Variants in CLASP1 observed in about 807,000 individuals in gnomAD.
CLASP1 encodes cytoplasmic linker associated protein 1.
CLASP1 carries 38 observed loss-of-function variants against 192.3 expected under a neutral mutation model. That is an observed-to-expected ratio of 0.20 (90% CI 0.15 to 0.26). The LOEUF (loss-of-function observed/expected upper bound fraction) is 0.26. CLASP1 is among the 10% of genes least tolerant of loss of function. The probability of loss-of-function intolerance (pLI) is 1.00; values close to 1 mark genes in which losing one functional copy is unlikely to be tolerated. For missense variants in CLASP1, 1,433 were observed against 1,932.5 expected (o/e 0.74, Z 4.85); for synonymous variants, 691 against 712.8 (o/e 0.97, Z 0.49).
chr2:121,525,418 T>C (rs2094552477), intron 6 of CLASP1, among the ~76,000 whole-genome samples: 1 of 152,156 alleles, frequency 6.6e-6, no homozygotes, highest in South Asian at 2.1e-4. Flanking sequence ...AAGCAAAATG[T>C]AGAACATTCC....
intron 15 of CLASP1, 66 bp from the exon 16 acceptor site, chr2:121,451,056 T>C (rs1434144112): frequency 2.7e-6 from 3 of 1,103,244 alleles, no homozygotes; most frequent in African/African-American, 1.6e-5. Flanking sequence ...TGAAACCAGG[T>C]GGGAGAAATA....
chr2:121,623,604 A>G (rs2067776996), intron 1 of CLASP1, among the ~76,000 whole-genome samples: 1 of 151,940 alleles, frequency 6.6e-6, no homozygotes, highest in African/African-American at 2.4e-5. Flanking sequence ...TGGAGAATTT[A>G]TGTTGATTCT....
At chr2:121,371,200 A>AGTGT (rs60214641) in intron 34 of CLASP1, among the ~76,000 whole-genome samples, 4,303 of 150,408 alleles carry the variant, frequency 0.029, 110 homozygotes, top group East Asian at 0.13. Flanking sequence ...GCACATATTA[A>AGTGT]GTGTGTGTGT....
intron 7 of CLASP1, chr2:121,512,949 T>C: frequency 6.6e-6 from 1 of 152,222 alleles, no homozygotes; most frequent in Non-Finnish European, 1.5e-5. Context: ...AATAGTCCTA[T>C]GGAAGCTTGC....
chr2:121,621,847 T>C (rs749363336), intron 1 of CLASP1, among the ~76,000 whole-genome samples: 1 of 152,116 alleles, frequency 6.6e-6, no homozygotes, highest in Non-Finnish European at 1.5e-5. Flanking sequence ...GTTTTTTTGT[T>C]GTTTGTTTGT....
chr2:121,340,643 T>C, exon 40 of CLASP1: 1 of 527,706 alleles, frequency 1.9e-6, no homozygotes, highest in South Asian at 2.8e-5. Context: ...TTCTTATTCC[T>C]TTTGTTTTGT....
chr2:121,415,136 T>A (rs2078353140), intron 23 of CLASP1, among the ~76,000 whole-genome samples: 1 of 152,202 alleles, frequency 6.6e-6, no homozygotes, highest in African/African-American at 2.4e-5. Flanking sequence ...TTAAGTTCAA[T>A]GATCTTCCTT....
intron 2 of CLASP1, among the ~76,000 whole-genome samples, chr2:121,555,802 C>T (rs1368136064): frequency 1.3e-5 from 2 of 152,120 alleles, no homozygotes; most frequent in Non-Finnish European, 2.9e-5. Context: ...CTGCCTCAGC[C>T]TCCTGAGTAG....
intron 32 of CLASP1, among the ~76,000 whole-genome samples, chr2:121,385,543 C>A (rs1409203032): frequency 6.6e-6 from 1 of 152,152 alleles, no homozygotes; most frequent in Non-Finnish European, 1.5e-5. Flanking sequence ...ACTGACTTAG[C>A]CAGTTTTAGC....
chr2:121,395,629 C>T (rs775070772), intron 30 of CLASP1, among the ~76,000 whole-genome samples: 8 of 152,186 alleles, frequency 5.3e-5, no homozygotes, highest in Non-Finnish European at 8.8e-5. Flanking sequence ...AAACTGCATC[C>T]ATATTCCACA....
At chr2:121,384,562 T>C (rs1311108493) in intron 32 of CLASP1, among the ~76,000 whole-genome samples, 5 of 151,920 alleles carry the variant, frequency 3.3e-5, no homozygotes, top group African/African-American at 1.2e-4. Flanking sequence ...GATCCAAGTA[T>C]AGAAATTTTG....
chr2:121,567,605 G>A (rs990387331), intron 2 of CLASP1, among the ~76,000 whole-genome samples: 2 of 152,180 alleles, frequency 1.3e-5, no homozygotes, highest in Admixed American at 6.5e-5. Flanking sequence ...CCGTGCAAAC[G>A]TCTCCTCTGC....
At chr2:121,637,134 G>A (rs2071031402) in intron 1 of CLASP1, among the ~76,000 whole-genome samples, 1 of 152,106 alleles carries the variant, frequency 6.6e-6, no homozygotes, top group Admixed American at 6.5e-5. Flanking sequence ...CTATTTAAAA[G>A]TTAAATAACA....
At chr2:121,507,727 C>T (rs1455032342) in intron 7 of CLASP1, among the ~76,000 whole-genome samples, 1 of 151,950 alleles carries the variant, frequency 6.6e-6, no homozygotes, top group East Asian at 1.9e-4. Context: ...ACACAATAAC[C>T]AAACTGTCAC....
intron 1 of CLASP1, among the ~76,000 whole-genome samples, chr2:121,631,062 G>A (rs1356992911): frequency 6.7e-6 from 1 of 148,612 alleles, no homozygotes; most frequent in Non-Finnish European, 1.5e-5. Flanking sequence ...GGGAGACTGA[G>A]GCAGGAGAAT....
intron 26 of CLASP1, among the ~76,000 whole-genome samples, chr2:121,403,979 T>G (rs1300887664): frequency 6.6e-6 from 1 of 152,200 alleles, no homozygotes; most frequent in Non-Finnish European, 1.5e-5. Context: ...CTACACGGGA[T>G]ACAAAAATAA....
At chr2:121,385,989 C>T (rs6716602) in intron 32 of CLASP1, among the ~76,000 whole-genome samples, 44,859 of 151,960 alleles carry the variant, frequency 0.3, 10,531 homozygotes, top group African/African-American at 0.65. Context: ...CAGAGGGAAA[C>T]TTGAGGGAGT....
intron 2 of CLASP1, among the ~76,000 whole-genome samples, chr2:121,586,531 AC>A (rs930986728): frequency 6.6e-6 from 1 of 151,642 alleles, no homozygotes; most frequent in African/African-American, 2.4e-5. Flanking sequence ...AATTCTCTCC[AC>A]CCCCCTTAAA....
chr2:121,387,951 C>A, intron 30 of CLASP1, 45 bp from the exon 32 acceptor site: 2 of 1,414,634 alleles, frequency 1.4e-6, no homozygotes, highest in Non-Finnish European at 1.9e-6. Context: ...TACAATAGGT[C>A]ATCAAAATGT....
Sources: gnomAD v4.1 joint callset for allele counts (sites outside exome capture counted in the v4.1 genomes callset) on GRCh38, gnomAD v4.1.1 for gene constraint, MANE v1.5 for transcripts, NCBI Gene and HGNC (gene_info 2026-07-23, HGNC 2026-07-21) for gene names.